Variants in CCDC3 observed in about 807,000 individuals in gnomAD.
The protein encoded by CCDC3 is coiled-coil domain-containing protein 3.
A neutral mutation model predicts 21.4 loss-of-function variants in CCDC3; 24 were observed. The ratio of observed to expected loss-of-function variants is 1.12; its 90% CI spans 0.81 to 1.58. CCDC3 has a LOEUF of 1.58. CCDC3 is among the 40% of genes most tolerant of loss of function. The pLI is 0.00. For missense variants in CCDC3, 425 were observed against 360.9 expected (o/e 1.18, Z -1.44); for synonymous variants, 186 against 166.0 (o/e 1.12, Z -0.93).
chr10:12,944,991 C>A (rs1834892719), intron 2 of CCDC3, among the ~76,000 whole-genome samples: 1 of 152,112 alleles, frequency 6.6e-6, no homozygotes, highest in South Asian at 2.1e-4. Context: ...ATTCTCAGGC[C>A]TAGCCAAAAA....
chr10:13,004,703 T>C (rs1835905507), upstream of CCDC3, among the ~76,000 whole-genome samples: 1 of 151,772 alleles, frequency 6.6e-6, no homozygotes, highest in Non-Finnish European at 1.5e-5. Flanking sequence ...TCAGCAGTAG[T>C]AGTAGTGTTA....
chr10:12,981,877 C>A (rs1326314089), intron 2 of CCDC3, among the ~76,000 whole-genome samples: 3 of 151,960 alleles, frequency 2.0e-5, no homozygotes, highest in Admixed American at 1.3e-4. Context: ...GTAATCCCAG[C>A]ACTTTGGGAG....
At chr10:13,087,483 G>A (rs976029788) in intron 3 of CCDC3, among the ~76,000 whole-genome samples, 9 of 151,308 alleles carry the variant, frequency 5.9e-5, no homozygotes, top group South Asian at 2.1e-4. Context: ...CCTTCTCCAT[G>A]TCCACTCCTC....
intron 2 of CCDC3, among the ~76,000 whole-genome samples, chr10:12,962,265 A>G (rs1229499078): frequency 2.0e-5 from 3 of 152,160 alleles, no homozygotes; most frequent in South Asian, 4.1e-4. Flanking sequence ...CCCAAATCTC[A>G]AGGTTGCAAG....
intron 2 of CCDC3, among the ~76,000 whole-genome samples, chr10:12,969,366 G>A (rs760149765): frequency 6.6e-6 from 1 of 152,048 alleles, no homozygotes; most frequent in South Asian, 2.1e-4. Flanking sequence ...ATGTAAATTA[G>A]TACACCACTA....
At chr10:12,966,120 T>C (rs1162245911) in intron 2 of CCDC3, among the ~76,000 whole-genome samples, 1 of 152,062 alleles carries the variant, frequency 6.6e-6, no homozygotes, top group African/African-American at 2.4e-5. Context: ...GTAGCGTAAA[T>C]AGGCTGTGCT....
At chr10:12,923,169 A>C (rs1315675174) in intron 2 of CCDC3, among the ~76,000 whole-genome samples, 2 of 152,198 alleles carry the variant, frequency 1.3e-5, no homozygotes, top group East Asian at 3.9e-4. Context: ...CTGGAAGTTT[A>C]ATCTTCTAGA....
chr10:12,985,475 T>C (rs1835573472), intron 2 of CCDC3, among the ~76,000 whole-genome samples: 1 of 152,202 alleles, frequency 6.6e-6, no homozygotes, highest in African/African-American at 2.4e-5. Flanking sequence ...ACTCTGTACG[T>C]GAATGTTCAC....
At chr10:13,036,479 TTTTG>T (rs559421759) in intron 5 of CCDC3, among the ~76,000 whole-genome samples, 53 of 152,186 alleles carry the variant, frequency 3.5e-4, no homozygotes, top group African/African-American at 9.6e-4. Flanking sequence ...TGTGTGCTTT[TTTTG>T]TTTGTTTGTT....
intron 5 of CCDC3, among the ~76,000 whole-genome samples, chr10:13,018,142 A>ACC (rs1241400238): frequency 3.9e-5 from 6 of 152,168 alleles, no homozygotes; most frequent in African/African-American, 1.4e-4. Flanking sequence ...TGGGAGAGGG[A>ACC]ATATGTGTAG....
At chr10:13,085,245 G>A (rs1004350204) in intron 3 of CCDC3, among the ~76,000 whole-genome samples, 22 of 152,132 alleles carry the variant, frequency 1.4e-4, no homozygotes, top group African/African-American at 3.9e-4. Context: ...TGTTGTGTGC[G>A]CACCCCAGAA....
upstream of CCDC3, among the ~76,000 whole-genome samples, chr10:13,006,006 G>T (rs1835919614): frequency 6.6e-6 from 1 of 152,134 alleles, no homozygotes; most frequent in South Asian, 2.1e-4. Context: ...GAGGTGGCAG[G>T]TCCCTGAATT....
In CCDC3 at chr10:12,906,110, G is replaced by A. The variant is rs1384004908; in HGVS notation, c.550-7431C>T. 4.6e-5 allele frequency among the ~76,000 whole-genome samples: 7 copies of A among 152,284 alleles called. No homozygotes were observed. In the South Asian group the frequency reaches 6.2e-4, roughly 14 times the overall value. On this transcript the variant is annotated intron_variant, in intron 2 of 2. Transcript: ENST00000378825. ...TATGAGGAGGTGGGCAGAGAGCCAC[G>A]TCCACGCAGAACGGTTTCCTGAATG...
At chr10:12,964,502 T>C (rs1016930041) in intron 2 of CCDC3, among the ~76,000 whole-genome samples, 1 of 152,160 alleles carries the variant, frequency 6.6e-6, no homozygotes, top group Non-Finnish European at 1.5e-5. Context: ...CCTTTTTGCA[T>C]CCATGAAGGA....
chr10:13,042,047 G>A (rs1330990278), intron 5 of CCDC3, among the ~76,000 whole-genome samples: 2 of 152,188 alleles, frequency 1.3e-5, no homozygotes, highest in Non-Finnish European at 2.9e-5. Context: ...TTTGGCCTCT[G>A]TCTAAAAGAA....
At position 13,001,630 on chromosome 10, in the gene CCDC3, G is replaced by A. The variant is rs1171323763; in HGVS notation, c.-60C>T. On this transcript the variant is annotated 5_prime_UTR_variant, in exon 1 of 3. Coordinates refer to ENST00000378825, the MANE Select transcript of CCDC3 (RefSeq NM_031455.4). The stretch of plus-strand genomic sequence containing the variant: ...GGGAGCCCGGGGAGCCCGCCGGCCC[G>A]GGAAGGGCAGCCCTGGGCGCTCGGC... 1.5e-5 allele frequency: 16 copies of A among 1,058,432 alleles called. No homozygotes were observed. In the Admixed American group the frequency reaches 1.6e-4, roughly 10 times the overall value. 65.6% of individuals were successfully genotyped at this position (1,058,432 alleles called of 1,614,324 possible).
At chr10:13,043,454 G>A (rs7915806) in intron 5 of CCDC3, among the ~76,000 whole-genome samples, 21,633 of 152,040 alleles carry the variant, frequency 0.14, 2,079 homozygotes, top group African/African-American at 0.27. Context: ...TTAGCCAGGC[G>A]TGGTGATGTG....
intron 2 of CCDC3, among the ~76,000 whole-genome samples, chr10:12,991,326 T>G (rs1453995533): frequency 1.4e-5 from 2 of 146,336 alleles, no homozygotes; most frequent in Admixed American, 6.7e-5. Flanking sequence ...TGTTGTTTTG[T>G]TTTTTTTTCC....
At chr10:13,093,228 G>A (rs772102316) in intron 3 of CCDC3, among the ~76,000 whole-genome samples, 9 of 152,106 alleles carry the variant, frequency 5.9e-5, no homozygotes, top group South Asian at 4.1e-4. Context: ...CAATCATAGC[G>A]GAAGGCGAAA....
Sources: gnomAD v4.1 joint callset for allele counts (sites outside exome capture counted in the v4.1 genomes callset) on GRCh38, gnomAD v4.1.1 for gene constraint, MANE v1.5 for transcripts, NCBI Gene and HGNC (gene_info 2026-07-23, HGNC 2026-07-21) for gene names.